The following CEP44 variants were observed in gnomAD, a reference collection of about 807,000 sequenced individuals.
CEP44 encodes the protein centrosomal protein of 44 kDa.
CEP44 carries 45 observed loss-of-function variants against 46.7 expected under a neutral mutation model. The ratio of observed to expected loss-of-function variants is 0.96; its 90% CI spans 0.76 to 1.24. The LOEUF (loss-of-function observed/expected upper bound fraction) is 1.24, where lower values mean the gene tolerates loss of function less well. Ranked by LOEUF, CEP44 falls within the 50% of genes most tolerant of loss-of-function variation. CEP44 has a pLI of 0.00. For synonymous variants in CEP44, 142 were observed against 146.0 expected (o/e 0.97, Z 0.20); for missense variants, 475 against 459.7 (o/e 1.03, Z -0.30).
intron 9 of CEP44, among the ~76,000 whole-genome samples, chr4:174,315,390 A>C (rs549428064): frequency 1.3e-5 from 2 of 152,190 alleles, no homozygotes; most frequent in South Asian, 4.2e-4. Context: ...GGATATTTGA[A>C]ATGTTAGGTT....
In CEP44 at chr4:174,326,456, A is replaced by T. The variant is rs193043180; in HGVS notation, c.1087-5026A>T. The stretch of plus-strand genomic sequence containing the variant: ...TGCGCCCGCCAAGCCTTTTTTTGTC[A>T]AACATTGACTTCTACATATGTTATA... On this transcript the variant is annotated intron_variant, in intron 8 of 8. Coordinates refer to the CEP44 transcript ENST00000426172. The surrounding 1 kb of genome is among the most constrained non-coding windows in gnomAD (Gnocchi z 4.8). Among the ~76,000 whole-genome samples the T allele has an allele frequency of 4.1e-4, 63 of 152,136 alleles. No individual in the cohort carries two copies. The highest frequency in any genetic ancestry group is 1.5e-3 in the African/African-American group (61 of 41,568).
intron 6 of CEP44, among the ~76,000 whole-genome samples, chr4:174,306,617 A>C (rs1740431563): frequency 6.6e-6 from 1 of 152,034 alleles, no homozygotes; most frequent in Admixed American, 6.6e-5. Context: ...TAATATTTTG[A>C]TATATATATT....
Position 174,331,565 on chromosome 4 carries a change from G to A in CEP44, c.1170G>A (p.Gln390=). The change falls in exon 9 of 9, where the codon CAG becomes CAA. Residue 390 remains glutamine, a synonymous_variant. Coordinates refer to the CEP44 transcript ENST00000426172. The surrounding 1 kb of genome is among the most constrained non-coding windows in gnomAD (Gnocchi z 4.5). ...GGCATACTTCATACCTTTCATCACAGAGCTTTGCTTGGCCTCTCTCCTGTG... is the reference window on the plus strand; with the variant it reads ...GGCATACTTCATACCTTTCATCACAAAGCTTTGCTTGGCCTCTCTCCTGTG... The A allele has an allele frequency of 2.6e-6, 4 of 1,551,448 alleles. No individual in the cohort carries two copies. The highest frequency in any genetic ancestry group is 4.9e-5 in the East Asian group (2 of 40,914).
rs774125566 is a variant in CEP44, at chr4:174,309,422, A to G, written c.679-428A>G. ...ACAGTTGGCACTTACAAAAACTACC[A>G]GATGGCCATTGGACCTACTTCCTGT... is the stretch of plus-strand genomic sequence containing the variant. On this transcript the variant is annotated intron_variant, in intron 7 of 11. Transcript: ENST00000503780. This position sits in a 1 kb window ranked among gnomAD's most constrained non-coding sequence, Gnocchi z 5.3. 1.3e-5 allele frequency among the ~76,000 whole-genome samples: 2 copies of G among 152,062 alleles called. No individual in the cohort carries two copies. Among genetic ancestry groups the G allele is most frequent in the Non-Finnish European group, 2.9e-5 (2 of 67,960 alleles).
In CEP44 at chr4:174,317,458, T is replaced by C; in HGVS notation, c.*75T>C. The C allele has an allele frequency of 7.7e-7, 1 of 1,297,752 alleles. No individual in the cohort carries two copies. Among genetic ancestry groups the C allele is most frequent in the Non-Finnish European group, 1.0e-6 (1 of 1,000,952 alleles). The allele number at this position is 1,297,752 out of a possible 1,614,324, so 80.4% of individuals were successfully genotyped here. ...TATATTTTAAGAATTCTTTATACAATTTTAATATACTGCAATACTGCAGTT... is the reference window on the plus strand; with the variant it reads ...TATATTTTAAGAATTCTTTATACAACTTTAATATACTGCAATACTGCAGTT... On this transcript the variant is annotated 3_prime_UTR_variant, in exon 12 of 12. Transcript: ENST00000503780.
At chr4:174,307,109 C>T (rs1186940912) in intron 6 of CEP44, among the ~76,000 whole-genome samples, 1 of 152,034 alleles carries the variant, frequency 6.6e-6, no homozygotes, top group African/African-American at 2.4e-5. Context: ...CTAAAGAAAA[C>T]TACTTTAAAA....
intron 1 of CEP44, among the ~76,000 whole-genome samples, chr4:174,292,637 T>C (rs1166456180): frequency 6.6e-6 from 1 of 152,206 alleles, no homozygotes; most frequent in Non-Finnish European, 1.5e-5. Context: ...TTTTGGTTGA[T>C]TGAGTCTGTT....
rs1030494534 is a variant in CEP44 at position 174,288,338 on chromosome 4, A to G, written c.-148+4395A>G. On this transcript the variant is annotated intron_variant, in intron 1 of 11. Coordinates refer to ENST00000503780, the MANE Select transcript of CEP44 (RefSeq NM_001040157.3). The surrounding 1 kb of genome is among the most constrained non-coding windows in gnomAD (Gnocchi z 4.6). ...TTCTTAGCAAAATTTTAAGAATACA[A>G]TATTGCTAATCACAGACACTGGGTT... Among the ~76,000 whole-genome samples the G allele has an allele frequency of 6.6e-6, 1 of 152,152 alleles. No individual in the cohort carries two copies. Among genetic ancestry groups the G allele is most frequent in the East Asian group, 1.9e-4 (1 of 5,190 alleles).
At position 174,309,546 on chromosome 4, in the gene CEP44, T is replaced by C. The variant is rs932895956; in HGVS notation, c.679-304T>C. Reference sequence around the variant, plus strand: ...GTTGTTTCAAGAAGCTAGTTAATAATAGTTTTATTTTACTAGCTGGTATTA... The same window carrying C: ...GTTGTTTCAAGAAGCTAGTTAATAACAGTTTTATTTTACTAGCTGGTATTA... On this transcript the variant is annotated intron_variant, in intron 7 of 11. Coordinates refer to ENST00000503780, the MANE Select transcript of CEP44 (RefSeq NM_001040157.3). This position sits in a 1 kb window ranked among gnomAD's most constrained non-coding sequence, Gnocchi z 5.3. 4.6e-5 allele frequency among the ~76,000 whole-genome samples: 7 copies of C among 152,056 alleles called. No individual in the cohort carries two copies. Among genetic ancestry groups the C allele is most frequent in the Non-Finnish European group, 7.4e-5 (5 of 67,962 alleles).
At chr4:174,285,335 T>G (rs1579051673) in intron 1 of CEP44, 2 of 152,344 alleles carry the variant, frequency 1.3e-5, no homozygotes, top group East Asian at 3.9e-4. Flanking sequence ...TAAAGCCCTT[T>G]GTGAGAATGT....
At chr4:174,330,393 G>A (rs1046756091) in intron 8 of CEP44, among the ~76,000 whole-genome samples, 3 of 151,902 alleles carry the variant, frequency 2.0e-5, no homozygotes, top group African/African-American at 7.3e-5. Context: ...TGGGGCTGAG[G>A]CAGGAGGATC....
In CEP44 at chr4:174,326,430, C is replaced by G. The variant is rs1742674142; in HGVS notation, c.1087-5052C>G. On this transcript the variant is annotated intron_variant, in intron 8 of 8. Coordinates refer to the CEP44 transcript ENST00000426172. This position sits in a 1 kb window ranked among gnomAD's most constrained non-coding sequence, Gnocchi z 4.8. ...TACGATAATATACTTTTCATTCTTT[C>G]TGCGCCCGCCAAGCCTTTTTTTGTC... Among the ~76,000 whole-genome samples, 1 of 152,040 alleles carries G rather than the reference C, an allele frequency of 6.6e-6. No individual in the cohort carries two copies.
chr4:174,310,296 A>G lies in CEP44; in HGVS notation c.885+240A>G, dbSNP rs931079300. ...CAGTTGAGCTTTTACAGATGTTAAT[A>G]ATGCTTGAAGAATTTAAAATGAGGT... On this transcript the variant is annotated intron_variant, in intron 8 of 11. Coordinates refer to ENST00000503780, the MANE Select transcript of CEP44 (RefSeq NM_001040157.3). This position sits in a 1 kb window ranked among gnomAD's most constrained non-coding sequence, Gnocchi z 4.2. Among the ~76,000 whole-genome samples the G allele has an allele frequency of 6.6e-6, 1 of 152,040 alleles. No individual in the cohort carries two copies. Among genetic ancestry groups the G allele is most frequent in the Non-Finnish European group, 1.5e-5 (1 of 67,894 alleles).
chr4:174,301,888 T>C lies in CEP44; in HGVS notation c.90-151T>C. The C allele has an allele frequency of 1.5e-6, 1 of 669,932 alleles. No homozygotes were observed. Among genetic ancestry groups the C allele is most frequent in the Non-Finnish European group, 2.4e-6 (1 of 417,816 alleles). The allele number at this position is 669,932 out of a possible 1,614,324, so 41.5% of individuals were successfully genotyped here. A position where few individuals can be genotyped will look rare whatever the true frequency, so the allele number is the denominator to read the frequency against. ...CTGGTTTCAAATGGGGAATGGAATC[T>C]AGAAAGTCTCATGTATCACCTAATT... On this transcript the variant is annotated intron_variant, in intron 3 of 11. Transcript: ENST00000503780. The surrounding 1 kb of genome is among the most constrained non-coding windows in gnomAD (Gnocchi z 4.3).
At position 174,310,913 on chromosome 4, in the gene CEP44, G is replaced by GT. The variant is rs1741008862; in HGVS notation, c.961+57dup. On this transcript the variant is annotated intron_variant, in intron 9 of 11. Transcript: ENST00000503780. The surrounding 1 kb of genome is among the most constrained non-coding windows in gnomAD (Gnocchi z 4.2). ...ATGATGAGTTTTCAGAAAAATGATT[G>GT]TTATAGTAATTTTAATATTCTTAAG... 1 of 792,926 alleles carries GT rather than the reference G, an allele frequency of 1.3e-6. No individual in the cohort carries two copies. Among genetic ancestry groups the GT allele is most frequent in the Non-Finnish European group, 2.1e-6 (1 of 477,442 alleles). 49.1% of individuals were successfully genotyped at this position (792,926 alleles called of 1,614,324 possible).
rs572788167 is a variant in CEP44 at position 174,310,113 on chromosome 4, G to T, written c.885+57G>T. 4.4e-5 allele frequency: 64 copies of T among 1,463,418 alleles called. No homozygotes were observed. In the Middle Eastern group the frequency reaches 6.9e-4, roughly 16 times the overall value. The allele number at this position is 1,463,418 out of a possible 1,614,324, so 90.7% of individuals were successfully genotyped here. On this transcript the variant is annotated intron_variant, in intron 8 of 11. Transcript: ENST00000503780. This position sits in a 1 kb window ranked among gnomAD's most constrained non-coding sequence, Gnocchi z 4.2. The stretch of plus-strand genomic sequence containing the variant: ...CTCAGATATAACAAAGTTTTTTTTT[G>T]ATTGTTATATGTGTATTTTTTTGGA...
In CEP44 at chr4:174,301,193, A is replaced by G. The variant is rs1739663731; in HGVS notation, c.90-846A>G. 6.6e-6 allele frequency among the ~76,000 whole-genome samples: 1 copy of G among 152,188 alleles called. No homozygotes were observed. The highest frequency in any genetic ancestry group is 2.4e-5 in the African/African-American group (1 of 41,452). ...GAATTTTTTGGAAAACATTTGCTTT[A>G]TATAAGTACAAAATACTGCAATTGA... On this transcript the variant is annotated intron_variant, in intron 3 of 11. Coordinates refer to ENST00000503780, the MANE Select transcript of CEP44 (RefSeq NM_001040157.3). The surrounding 1 kb of genome is among the most constrained non-coding windows in gnomAD (Gnocchi z 4.3).
At chr4:174,284,901 G>A (rs1737400082) in intron 1 of CEP44, among the ~76,000 whole-genome samples, 1 of 152,148 alleles carries the variant, frequency 6.6e-6, no homozygotes, top group Non-Finnish European at 1.5e-5. Context: ...TGTTATTAGA[G>A]TCAGTGTAGT....
In CEP44 at chr4:174,317,424, T is replaced by A; in HGVS notation, c.*41T>A. 2.2e-6 allele frequency: 3 copies of A among 1,350,498 alleles called. No individual in the cohort carries two copies. Among genetic ancestry groups the A allele is most frequent in the Non-Finnish European group, 2.9e-6 (3 of 1,025,432 alleles). The allele number at this position is 1,350,498 out of a possible 1,614,324, so 83.7% of individuals were successfully genotyped here. On this transcript the variant is annotated 3_prime_UTR_variant, in exon 12 of 12. Coordinates refer to ENST00000503780, the MANE Select transcript of CEP44 (RefSeq NM_001040157.3). ...CTTTTTTCTAGGACTTTGGTTACTA[T>A]ACATATTGTATATTTTAAGAATTCT...
Sources: allele counts gnomAD v4.1 joint callset (sites outside exome capture counted in the v4.1 genomes callset), GRCh38; gene constraint gnomAD v4.1.1; non-coding constraint Gnocchi (gnomAD v3.1); transcripts MANE v1.5; gene names NCBI Gene and HGNC (gene_info 2026-07-23, HGNC 2026-07-21).